ACTR5: variants seen among roughly 807,000 people sequenced by gnomAD.
ACTR5 encodes the protein actin-related protein 5.
In ACTR5, 43 loss-of-function variants were observed where a neutral mutation model predicts 61.2. The observed-to-expected ratio is 0.70, with a 90% CI of 0.55 to 0.91. ACTR5 has a LOEUF of 0.91. Ranked by LOEUF, ACTR5 falls within the 40% of genes least tolerant of loss-of-function variation. The pLI, the probability that ACTR5 is intolerant of heterozygous loss-of-function variation, is 0.00. For synonymous variants in ACTR5, 333 were observed against 310.5 expected, an observed-to-expected ratio of 1.07 and a Z score of -0.76; for missense variants, 798 against 782.2, an observed-to-expected ratio of 1.02 and a Z score of -0.24.
At chr20:38,749,964 A>G (rs1202919861) in intron 1 of ACTR5, 46 bp from the exon 2 acceptor site, 1 of 1,534,910 alleles carries the variant, frequency 6.5e-7, no homozygotes, top group South Asian at 1.2e-5. Flanking sequence ...CTTCAAAAAG[A>G]GTATTCTGTT....
chr20:38,753,251 A>T (rs1049479923), intron 3 of ACTR5, among the ~76,000 whole-genome samples: 6 of 152,206 alleles, frequency 3.9e-5, no homozygotes, highest in Non-Finnish European at 7.4e-5. Flanking sequence ...TGATATGATT[A>T]TAAAGAGAGA....
Position 38,766,259 on chromosome 20 carries a change from T to A in ACTR5, c.1315T>A (p.Tyr439Asn). The A allele has an allele frequency of 6.2e-7, 1 of 1,612,724 alleles. No individual in the cohort carries two copies. The highest frequency in any genetic ancestry group is 1.1e-5 in the South Asian group (1 of 90,512). Reference sequence around the variant, plus strand: ...AAAGCCCGTGTTTAACTTGGCAGCATATCATCAGCTATTTGTTGGGACAGA... The same window carrying A: ...AAAGCCCGTGTTTAACTTGGCAGCAAATCATCAGCTATTTGTTGGGACAGA... ...TVQPVFNLAA[Y>N]HQLFVGTERI... The change falls in exon 7 of 9, where the codon TAT becomes AAT. Residue 439 changes from tyrosine (Y) to asparagine (N), a missense_variant. Transcript: ENST00000243903.
intron 7 of ACTR5, 97 bp from the exon 8 acceptor site, chr20:38,767,367 G>T (rs2084492962): frequency 3.8e-6 from 4 of 1,042,340 alleles, no homozygotes; most frequent in Non-Finnish European, 3.9e-6. Context: ...TTGTGTAGAA[G>T]TTTTTCTGTT....
At position 38,752,211 on chromosome 20, in the gene ACTR5, A is replaced by G. The variant is rs1406049245; in HGVS notation, c.686A>G (p.Lys229Arg). 2 of 1,614,166 alleles carry G rather than the reference A, an allele frequency of 1.2e-6. No homozygotes were observed. Among genetic ancestry groups the G allele is most frequent in the Non-Finnish European group, 1.7e-6 (2 of 1,179,998 alleles). Reference protein sequence around the residue: ...AGYLQRLLQLKYPGHLAAITL... With the variant: ...AGYLQRLLQLRYPGHLAAITL... ...TACCTCCAGCGTCTCCTCCAGCTGA[A>G]GTACCCTGGGCACCTGGCAGCCATC... Residue 229 changes from lysine (K) to arginine (R), a missense_variant, in exon 3 of 9, where the codon AAG becomes AGG. Coordinates refer to ENST00000243903, the MANE Select transcript of ACTR5 (RefSeq NM_024855.4).
intron 8 of ACTR5, among the ~76,000 whole-genome samples, chr20:38,770,041 T>C (rs1249650122): frequency 6.6e-6 from 1 of 152,248 alleles, no homozygotes; most frequent in Non-Finnish European, 1.5e-5. Flanking sequence ...TGTGGAATGC[T>C]GCTACCAGCC....
intron 5 of ACTR5, among the ~76,000 whole-genome samples, chr20:38,756,631 G>C (rs915056888): frequency 6.6e-6 from 1 of 152,214 alleles, no homozygotes; most frequent in Non-Finnish European, 1.5e-5. Flanking sequence ...GAGGCCGGGC[G>C]TGCTGGCTCA....
chr20:38,766,125 C>T, intron 6 of ACTR5, 113 bp from the exon 7 acceptor site: 2 of 1,191,394 alleles, frequency 1.7e-6, no homozygotes, highest in Non-Finnish European at 2.4e-6. Context: ...GCTATACTGG[C>T]ATTAACAAGG....
intron 5 of ACTR5, among the ~76,000 whole-genome samples, chr20:38,758,197 A>G (rs2084431576): frequency 6.6e-6 from 1 of 152,194 alleles, no homozygotes. Context: ...CATTTGTTAC[A>G]TGATGTGATT....
intron 3 of ACTR5, among the ~76,000 whole-genome samples, chr20:38,753,046 T>A (rs1010112389): frequency 1.6e-4 from 24 of 152,246 alleles, no homozygotes; most frequent in Admixed American, 1.5e-3. Context: ...ACATCTGTTA[T>A]TCCTGGGATA....
chr20:38,771,113 C>A lies in ACTR5; in HGVS notation c.1567-446C>A, dbSNP rs1236638051. Among the ~76,000 whole-genome samples the A allele has an allele frequency of 2.6e-5, 4 of 152,248 alleles. No homozygotes were observed. In the East Asian group the frequency reaches 5.8e-4, roughly 22 times the overall value. On this transcript the variant is annotated intron_variant, in intron 8 of 8. Transcript: ENST00000243903. ...CAGAGAACGCCCAGGTCACCCCTCT[C>A]TGCTGCCATTTCTCCTGAGGCTCTT... is the stretch of plus-strand genomic sequence containing the variant.
At chr20:38,748,897 G>A (rs1374019909) in intron 1 of ACTR5, 44 bp downstream of exon 1, 2 of 1,559,434 alleles carry the variant, frequency 1.3e-6, no homozygotes, top group African/African-American at 2.8e-5. Flanking sequence ...TTGAGGGGAG[G>A]GGTGCGGTCT....
At chr20:38,768,284 A>G (rs1186559228) in intron 8 of ACTR5, among the ~76,000 whole-genome samples, 1 of 152,134 alleles carries the variant, frequency 6.6e-6, no homozygotes, top group African/African-American at 2.4e-5. Context: ...GTGGGCCTGC[A>G]TGTAATAAAC....
At chr20:38,761,012 C>G (rs1601199989) in intron 5 of ACTR5, among the ~76,000 whole-genome samples, 1 of 152,186 alleles carries the variant, frequency 6.6e-6, no homozygotes, top group African/African-American at 2.4e-5. Flanking sequence ...AACTCCTGGG[C>G]TCAATTGATC....
At chr20:38,762,429 TGTA>T (rs1764503330) in intron 5 of ACTR5, among the ~76,000 whole-genome samples, 1 of 152,230 alleles carries the variant, frequency 6.6e-6, no homozygotes, top group African/African-American at 2.4e-5. Flanking sequence ...CTTTGTTGGT[TGTA>T]GTCCTCACAG....
intron 3 of ACTR5, among the ~76,000 whole-genome samples, chr20:38,752,792 A>C (rs961344066): frequency 6.6e-6 from 1 of 152,214 alleles, no homozygotes; most frequent in Non-Finnish European, 1.5e-5. Context: ...AGTTCATATA[A>C]AACCAAAGGA....
At chr20:38,764,913 A>T (rs575057656) in intron 5 of ACTR5, among the ~76,000 whole-genome samples, 74 of 152,344 alleles carry the variant, frequency 4.9e-4, no homozygotes, top group African/African-American at 1.6e-3. Context: ...CAAGGAGCCC[A>T]CTTGCCTCTG....
In ACTR5 at chr20:38,771,600, T is replaced by G. The variant is rs2084520395; in HGVS notation, c.1608T>G (p.Gly536=). 6.2e-7 allele frequency: 1 copy of G among 1,613,936 alleles called. No individual in the cohort carries two copies. Among genetic ancestry groups the G allele is most frequent in the African/African-American group, 1.3e-5 (1 of 74,854 alleles). Residue 536 remains glycine, a synonymous_variant, in exon 9 of 9, where the codon GGT becomes GGG. Transcript: ENST00000243903. ...ACCCTGTGCTGGATGCCTGGTACGG[T>G]GCTCGTGACTGGGCCTTGAACCACC... ...ASNPVLDAWY[G]ARDWALNHLD... is the part of the protein sequence containing the mutation.
rs1163769795 is a variant in ACTR5 at position 38,750,005 on chromosome 20, A to C, written c.376-5A>C. ...TCATTTATTTGCCCTTTTCTTTCAA[A>C]GTAGGGCTGTGTTGATCATCCCATA... On this transcript the variant is annotated splice_region_variant and splice_polypyrimidine_tract_variant and intron_variant, in intron 1 of 8. Transcript: ENST00000243903. 1 of 1,611,504 alleles carries C rather than the reference A, an allele frequency of 6.2e-7. No individual in the cohort carries two copies. Among genetic ancestry groups the C allele is most frequent in the Non-Finnish European group, 8.5e-7 (1 of 1,178,066 alleles).
intron 5 of ACTR5, among the ~76,000 whole-genome samples, chr20:38,756,554 G>C (rs1189433554): frequency 6.6e-6 from 1 of 152,192 alleles, no homozygotes; most frequent in Non-Finnish European, 1.5e-5. Flanking sequence ...CTTTGCATAA[G>C]CTCTTTGATT....
Sources: gnomAD v4.1 joint callset for allele counts (sites outside exome capture counted in the v4.1 genomes callset) on GRCh38, gnomAD v4.1.1 for gene constraint, MANE v1.5 for transcripts, NCBI Gene and HGNC (gene_info 2026-07-23, HGNC 2026-07-21) for gene names.